The following CNTNAP2 variants were observed in gnomAD, a reference collection of about 807,000 sequenced individuals.
CNTNAP2 encodes contactin-associated protein-like 2.
A neutral mutation model predicts 155.2 loss-of-function variants in CNTNAP2; 98 were observed. The observed-to-expected ratio is 0.63, with a 90% confidence interval of 0.54 to 0.75. The LOEUF (loss-of-function observed/expected upper bound fraction) is 0.75. CNTNAP2 is among the 30% of genes least tolerant of loss of function. CNTNAP2 has a pLI of 0.00. For synonymous variants in CNTNAP2, 651 were observed against 631.2 expected, an observed-to-expected ratio of 1.03 and a Z score of -0.47; for missense variants, 1,727 against 1,688.1, an observed-to-expected ratio of 1.02 and a Z score of -0.40.
intron 1 of CNTNAP2, among the ~76,000 whole-genome samples, chr7:146,137,480 CAAAG>C (rs965355211): frequency 1.6e-4 from 25 of 152,018 alleles, no homozygotes; most frequent in African/African-American, 5.5e-4. Context: ...TTCTGCAACA[CAAAG>C]AAATATTTAG....
intron 18 of CNTNAP2, among the ~76,000 whole-genome samples, chr7:148,196,373 C>T (rs1228719145): frequency 2.0e-5 from 3 of 152,110 alleles, no homozygotes; most frequent in South Asian, 2.1e-4. Context: ...TAGAAGAGTT[C>T]GCTGCAGCAG....
At chr7:147,782,541 C>T (rs1797674991) in intron 13 of CNTNAP2, among the ~76,000 whole-genome samples, 1 of 152,214 alleles carries the variant, frequency 6.6e-6, no homozygotes, top group Non-Finnish European at 1.5e-5. Context: ...CTTCTTGCAG[C>T]ATCCTCACAT....
intron 1 of CNTNAP2, among the ~76,000 whole-genome samples, chr7:146,580,092 A>T (rs541709665): frequency 2.6e-4 from 40 of 152,282 alleles, no homozygotes; most frequent in African/African-American, 9.6e-4. Context: ...AGTTAAAAAG[A>T]CAGCATGACT....
chr7:146,513,443 G>T (rs1041325444), intron 1 of CNTNAP2, among the ~76,000 whole-genome samples: 4 of 151,544 alleles, frequency 2.6e-5, no homozygotes, highest in Non-Finnish European at 4.4e-5. Context: ...TTGATTCCTT[G>T]CTTTTTATTT....
At chr7:146,983,046 A>C (rs886170462) in intron 3 of CNTNAP2, among the ~76,000 whole-genome samples, 1 of 152,226 alleles carries the variant, frequency 6.6e-6, no homozygotes, top group Non-Finnish European at 1.5e-5. Flanking sequence ...AACATAATGT[A>C]CACTGATAGT....
At chr7:146,757,712 G>T (rs973204389) in intron 1 of CNTNAP2, among the ~76,000 whole-genome samples, 6 of 152,064 alleles carry the variant, frequency 3.9e-5, no homozygotes, top group Non-Finnish European at 8.8e-5. Context: ...TATAGGTGTT[G>T]GGAAAATAGT....
At chr7:146,977,718 T>A (rs1300915993) in intron 3 of CNTNAP2, among the ~76,000 whole-genome samples, 2 of 152,246 alleles carry the variant, frequency 1.3e-5, no homozygotes, top group Non-Finnish European at 1.5e-5. Context: ...TTATAATTTT[T>A]AAATTTATGT....
chr7:147,782,605 T>G (rs1563087304), intron 13 of CNTNAP2, among the ~76,000 whole-genome samples: 2 of 152,278 alleles, frequency 1.3e-5, no homozygotes, highest in South Asian at 2.1e-4. Context: ...TAAGCACTAA[T>G]CGCATTCTTG....
At chr7:146,189,113 C>A (rs531279962) in intron 1 of CNTNAP2, among the ~76,000 whole-genome samples, 1 of 152,046 alleles carries the variant, frequency 6.6e-6, no homozygotes, top group Non-Finnish European at 1.5e-5. Context: ...AAGTAAAAAT[C>A]AAAGAATGAG....
chr7:146,332,932 T>C (rs955337266), intron 1 of CNTNAP2, among the ~76,000 whole-genome samples: 17 of 147,912 alleles, frequency 1.1e-4, no homozygotes, highest in Non-Finnish European at 2.4e-4. Flanking sequence ...TTCTTCTTTT[T>C]CTTCTTCTAT....
At chr7:147,726,901 G>C (rs28673722) in intron 13 of CNTNAP2, among the ~76,000 whole-genome samples, 12,253 of 151,880 alleles carry the variant, frequency 0.081, 1,607 homozygotes, top group African/African-American at 0.28. Context: ...GTGAGCTGTA[G>C]TTTCTGTTTC....
chr7:146,508,574 C>G (rs1797419303), intron 1 of CNTNAP2, among the ~76,000 whole-genome samples: 1 of 152,158 alleles, frequency 6.6e-6, no homozygotes. Context: ...TGGTGGGAGA[C>G]CAGTGGACTG....
At chr7:146,880,483 T>A (rs1795523369) in intron 3 of CNTNAP2, among the ~76,000 whole-genome samples, 1 of 152,000 alleles carries the variant, frequency 6.6e-6, no homozygotes, top group Non-Finnish European at 1.5e-5. Flanking sequence ...AAGCCAAACA[T>A]AAATACAATT....
At chr7:146,927,940 G>A (rs895319959) in intron 3 of CNTNAP2, among the ~76,000 whole-genome samples, 3 of 146,588 alleles carry the variant, frequency 2.0e-5, no homozygotes, top group African/African-American at 7.5e-5. Flanking sequence ...TATATATAGA[G>A]AAAGTTATAT....
Position 147,704,040 on chromosome 7 carries a change from TTC to T in CNTNAP2, c.2098+64736_2098+64737del, listed in dbSNP as rs556541377. On this transcript the variant is annotated intron_variant, in intron 13 of 23. Coordinates refer to ENST00000361727, the MANE Select transcript of CNTNAP2 (RefSeq NM_014141.6). ...TGTTGCTGTAAATGACATAATTTCA[TTC>T]TTTTTTATTGCCAAATATTAGGTTG... Among the ~76,000 whole-genome samples the T allele has an allele frequency of 1.6e-3, 241 of 152,306 alleles. 1 individual carries two copies. Among genetic ancestry groups the T allele is most frequent in the Non-Finnish European group, 1.7e-3 (117 of 68,016 alleles).
chr7:147,948,642 CATAT>C (rs1800862982), intron 14 of CNTNAP2, among the ~76,000 whole-genome samples: 1 of 147,320 alleles, frequency 6.8e-6, no homozygotes, highest in Non-Finnish European at 1.5e-5. Flanking sequence ...CACACACACA[CATAT>C]ACACACACAC....
chr7:147,784,494 A>AATATATATAT (rs10528525), intron 13 of CNTNAP2, among the ~76,000 whole-genome samples: 16 of 45,020 alleles, frequency 3.6e-4, no homozygotes, highest in Non-Finnish European at 9.5e-4. Context: ...GCTCTGGACT[A>AATATATATAT]ATATATATAT....
Position 146,318,088 on chromosome 7 carries a change from C to T in CNTNAP2, c.97+201115C>T, listed in dbSNP as rs372061070. Reference sequence around the variant, plus strand: ...CCCGGTAGGTGGATGTTGCAGTGAGCCAAGATCGCACCACTGCACTCCAGC... The same window carrying T: ...CCCGGTAGGTGGATGTTGCAGTGAGTCAAGATCGCACCACTGCACTCCAGC... On this transcript the variant is annotated intron_variant, in intron 1 of 23. Coordinates refer to ENST00000361727, the MANE Select transcript of CNTNAP2 (RefSeq NM_014141.6). Among the ~76,000 whole-genome samples the T allele has an allele frequency of 9.0e-4, 136 of 151,380 alleles. 3 individuals carry two copies. In the East Asian group the frequency reaches 0.018, roughly 20 times the overall value.
chr7:146,516,329 T>A (rs1471019775), intron 1 of CNTNAP2, among the ~76,000 whole-genome samples: 1 of 152,060 alleles, frequency 6.6e-6, no homozygotes, highest in Non-Finnish European at 1.5e-5. Flanking sequence ...CATGCATTGG[T>A]ACACACATTT....
Sources: allele counts gnomAD v4.1 joint callset (sites outside exome capture counted in the v4.1 genomes callset), GRCh38; gene constraint gnomAD v4.1.1; transcripts MANE v1.5; gene names NCBI Gene and HGNC (gene_info 2026-07-23, HGNC 2026-07-21).